ARHGEF35: variants seen among roughly 807,000 people sequenced by gnomAD.
ARHGEF35 encodes Rho guanine nucleotide exchange factor (GEF) 35.
For synonymous variants in ARHGEF35, 47 were observed against 170.4 expected (o/e 0.28, Z 5.64); for missense variants, 114 against 449.7 (o/e 0.25, Z 6.75).
rs113654434 is a variant in ARHGEF35 at position 144,186,935 on chromosome 7, T to A, written c.1449A>T (p.Val483=). The change falls in exon 2 of 2, where the codon GTA becomes GTT. Residue 483 remains valine, a synonymous_variant. Transcript: ENST00000378115. ...AACATGAAACTGTGACATATCAAAGTACTGATAGAAGTTTTTCCTTGTCAG... is the reference window on the plus strand; with the variant it reads ...AACATGAAACTGTGACATATCAAAGAACTGATAGAAGTTTTTCCTTGTCAG... ...ESPDKEKLLS[V]L The A allele has an allele frequency of 1.5e-5, 23 of 1,505,208 alleles. 4 individuals are homozygous for A. The African/African-American group carries it at 3.3e-4, about 22-fold the overall frequency. 93.2% of individuals were successfully genotyped at this position (1,505,208 alleles called of 1,614,324 possible).
intron 1 of ARHGEF35, among the ~76,000 whole-genome samples, chr7:144,191,263 T>G (rs2051999737): frequency 9.1e-6 from 1 of 109,968 alleles, no homozygotes; most frequent in African/African-American, 3.4e-5. Flanking sequence ...ATCTTCAGCA[T>G]GGGTTATACT....
chr7:144,189,718 C>T (rs1270861665), intron 1 of ARHGEF35, among the ~76,000 whole-genome samples: 1 of 111,936 alleles, frequency 8.9e-6, no homozygotes, highest in African/African-American at 3.7e-5. Context: ...TTTGACAGTA[C>T]TGAGGTTAGA....
Position 144,186,829 on chromosome 7 carries a change from G to C in ARHGEF35, c.*100C>G. ...AGATATGAAAATCCCTAAACATTTG[G>C]AAATTTAAAAACACACTTCACAATA... On this transcript the variant is annotated 3_prime_UTR_variant, in exon 2 of 2. Coordinates refer to ENST00000378115, the MANE Select transcript of ARHGEF35 (RefSeq NM_001003702.3). The C allele has an allele frequency of 9.7e-7, 1 of 1,027,050 alleles. No homozygotes were observed. The highest frequency in any genetic ancestry group is 1.7e-5 in the South Asian group (1 of 59,074). 63.6% of individuals were successfully genotyped at this position (1,027,050 alleles called of 1,614,324 possible).
At position 144,186,678 on chromosome 7, in the gene ARHGEF35, T is replaced by C. The variant is rs2051956065; in HGVS notation, c.*251A>G. The C allele has an allele frequency of 2.8e-5, 10 of 354,188 alleles. No homozygotes were observed. The highest frequency in any genetic ancestry group is 5.0e-5 in the Non-Finnish European group (10 of 199,302). 21.9% of individuals were successfully genotyped at this position (354,188 alleles called of 1,614,324 possible). On this transcript the variant is annotated 3_prime_UTR_variant, in exon 2 of 2. Transcript: ENST00000378115. ...TTTTTTTGAGTGCTGACGAAACACA[T>C]GGCAAGATAGAGCTGTCCTAGGCCC...
chr7:144,187,084 C>T lies in ARHGEF35; in HGVS notation c.1300G>A (p.Gly434Arg), dbSNP rs535143171. 16 of 1,539,980 alleles carry T rather than the reference C, an allele frequency of 1.0e-5. 2 individuals carry two copies. The highest frequency in any genetic ancestry group is 1.7e-4 in the Middle Eastern group (1 of 5,940). Residue 434 changes from glycine (G) to arginine (R), a missense_variant, in exon 2 of 2, where the codon GGG (glycine) becomes AGG (arginine). By Grantham distance (125) the Gly-to-Arg change is moderately radical. Coordinates refer to ENST00000378115, the MANE Select transcript of ARHGEF35 (RefSeq NM_001003702.3). ...TCAGCCCTGGACTCTGTCTGAGTCCCGGGAATCTGAGTCACGAGATATGAG... is the reference window on the plus strand; with the variant it reads ...TCAGCCCTGGACTCTGTCTGAGTCCTGGGAATCTGAGTCACGAGATATGAG... ...GASYLVTQIP[G>R]TQTESRAEEL...
rs550473765 is a variant in ARHGEF35, at chr7:144,186,340, G to A, written c.*589C>T. On this transcript the variant is annotated 3_prime_UTR_variant, in exon 2 of 2. Transcript: ENST00000378115. ...TTTTTTTAAAAAAAGAAAACTGAAAGGAGATATAGATGAATCCACAATTAT... is the reference window on the plus strand; with the variant it reads ...TTTTTTTAAAAAAAGAAAACTGAAAAGAGATATAGATGAATCCACAATTAT... 5.7e-6 allele frequency: 1 copy of A among 175,842 alleles called. No individual in the cohort carries two copies. 10.9% of individuals were successfully genotyped at this position (175,842 alleles called of 1,614,324 possible).
chr7:144,191,442 CTCT>C (rs2052003040), intron 1 of ARHGEF35, among the ~76,000 whole-genome samples: 1 of 103,410 alleles, frequency 9.7e-6, no homozygotes, highest in Non-Finnish European at 2.0e-5. Context: ...GCCTGGAATC[CTCT>C]TTTGCAACAG....
rs201464355 is a variant in ARHGEF35, at chr7:144,187,046, G to C, written c.1338C>G (p.Pro446=). The C allele has an allele frequency of 1.5e-5, 23 of 1,544,370 alleles. No individual in the cohort carries two copies. The Admixed American group carries it at 2.6e-4, about 17-fold the overall frequency. ...QTESRAEELS[P]AALSPLLEPI... ...GCTCTAGCAAGGGAGACAGAGCTGC[G>C]GGGGACAGTTCCTCAGCCCTGGACT... Residue 446 remains proline (P), a synonymous_variant, in exon 2 of 2, where the codon CCC becomes CCG. Coordinates refer to ENST00000378115, the MANE Select transcript of ARHGEF35 (RefSeq NM_001003702.3).
intron 1 of ARHGEF35, among the ~76,000 whole-genome samples, chr7:144,190,007 T>C (rs904956334): frequency 1.1e-4 from 14 of 124,014 alleles, no homozygotes; most frequent in Admixed American, 8.1e-4. Flanking sequence ...GGTTTCACCA[T>C]TTTGGCCAGG....
intron 1 of ARHGEF35, among the ~76,000 whole-genome samples, chr7:144,192,224 T>C (rs2052009950): frequency 1.3e-5 from 1 of 79,130 alleles, no homozygotes; most frequent in Non-Finnish European, 2.5e-5. Context: ...GCTTAGCCAC[T>C]GTGTGTACAC....
At chr7:144,193,337 C>G (rs1197619062) in intron 1 of ARHGEF35, among the ~76,000 whole-genome samples, 1 of 73,336 alleles carries the variant, frequency 1.4e-5, no homozygotes, top group Non-Finnish European at 2.5e-5. Flanking sequence ...TTGTCTATTT[C>G]TAGTCACTAG....
chr7:144,191,284 C>T (rs201947568), intron 1 of ARHGEF35, among the ~76,000 whole-genome samples: 9,458 of 88,328 alleles, frequency 0.11, 22 homozygotes, highest in East Asian at 0.37. Flanking sequence ...CCCTGCACAA[C>T]CTGGCTCTGC....
chr7:144,186,752 G>A lies in ARHGEF35; in HGVS notation c.*177C>T, dbSNP rs923692923. 7 of 637,122 alleles carry A rather than the reference G, an allele frequency of 1.1e-5. 1 individual carries two copies. The Admixed American group carries it at 1.1e-4, about 10-fold the overall frequency. The allele number at this position is 637,122 out of a possible 1,614,324, so 39.5% of individuals were successfully genotyped here. ...AAAGAGATAGTAATCATCCAGAGCA[G>A]ATGAAAACCAGAAATCATTGTAGGG... On this transcript the variant is annotated 3_prime_UTR_variant, in exon 2 of 2. Coordinates refer to ENST00000378115, the MANE Select transcript of ARHGEF35 (RefSeq NM_001003702.3).
chr7:144,193,579 C>T (rs1586943798), intron 1 of ARHGEF35, among the ~76,000 whole-genome samples: 1 of 138,762 alleles, frequency 7.2e-6, no homozygotes, highest in African/African-American at 2.8e-5. Context: ...GCCCTCAATA[C>T]TACAAAGATA....
Position 144,186,914 on chromosome 7 carries a change from T to G in ARHGEF35, c.*15A>C, listed in dbSNP as rs2051959065. 6.9e-7 allele frequency: 1 copy of G among 1,448,374 alleles called. No individual in the cohort carries two copies. Among genetic ancestry groups the G allele is most frequent in the South Asian group, 1.3e-5 (1 of 78,676 alleles). The allele number at this position is 1,448,374 out of a possible 1,614,324, so 89.7% of individuals were successfully genotyped here. A position where few individuals can be genotyped will look rare whatever the true frequency, so the allele number is the denominator to read the frequency against. On this transcript the variant is annotated 3_prime_UTR_variant, in exon 2 of 2. Coordinates refer to ENST00000378115, the MANE Select transcript of ARHGEF35 (RefSeq NM_001003702.3). ...AAAAATACATTGAACTGGATAAACA[T>G]GAAACTGTGACATATCAAAGTACTG...
At position 144,187,012 on chromosome 7, in the gene ARHGEF35, A is replaced by T; in HGVS notation, c.1372T>A (p.Cys458Ser). 6.5e-7 allele frequency: 1 copy of T among 1,546,242 alleles called. No individual in the cohort carries two copies. Among genetic ancestry groups the T allele is most frequent in the South Asian group, 1.1e-5 (1 of 90,624 alleles). The change falls in exon 2 of 2, where the codon TGC becomes AGC. Residue 458 changes from cysteine (C) to serine (S), a missense_variant. Cys to Ser is a moderately radical substitution (Grantham distance 112, BLOSUM62 -1). Coordinates refer to ENST00000378115, the MANE Select transcript of ARHGEF35 (RefSeq NM_001003702.3). ...ALSPLLEPIR[C>S]SHQPISLLGS... ...AGTAGAGAAATGGGCTGGTGAGAGC[A>T]TCTGATGGGCTCTAGCAAGGGAGAC... is the stretch of plus-strand genomic sequence containing the variant.
intron 1 of ARHGEF35, among the ~76,000 whole-genome samples, chr7:144,191,377 A>C (rs1337921868): frequency 1.7e-5 from 1 of 59,720 alleles, no homozygotes; most frequent in African/African-American, 7.5e-5. Context: ...CAGTGTCTTT[A>C]GCTCACTTCT....
chr7:144,190,812 AC>A (rs1465053415), intron 1 of ARHGEF35, among the ~76,000 whole-genome samples: 3 of 150,096 alleles, frequency 2.0e-5, no homozygotes, highest in Non-Finnish European at 4.4e-5. Context: ...AGTTCCAGCT[AC>A]TTGGGGGCTG....
intron 1 of ARHGEF35, among the ~76,000 whole-genome samples, chr7:144,191,344 T>C (rs1263652509): frequency 0.072 from 2,109 of 29,374 alleles, no homozygotes; most frequent in Non-Finnish European, 0.087. Flanking sequence ...CCTGCCCCCA[T>C]CCCCCCCCCC....
Sources: allele counts gnomAD v4.1 joint callset (sites outside exome capture counted in the v4.1 genomes callset), GRCh38; gene constraint gnomAD v4.1.1; transcripts MANE v1.5; gene names NCBI Gene and HGNC (gene_info 2026-07-23, HGNC 2026-07-21).